SORCS3: variants seen among roughly 807,000 people sequenced by gnomAD.
SORCS3 encodes VPS10 domain-containing receptor SorCS3.
A neutral mutation model predicts 146.3 loss-of-function variants in SORCS3; 57 were observed. That is an observed-to-expected ratio of 0.39 (90% CI 0.31 to 0.49). SORCS3 has a LOEUF of 0.49. Ranked by LOEUF, SORCS3 falls within the 20% of genes least tolerant of loss-of-function variation. The probability of loss-of-function intolerance (pLI) is 0.92; values close to 1 mark genes in which losing one functional copy is unlikely to be tolerated. For missense variants in SORCS3, 1,341 were observed against 1,575.5 expected (o/e 0.85, Z 2.52); for synonymous variants, 653 against 618.5 (o/e 1.06, Z -0.83).
intron 2 of SORCS3, among the ~76,000 whole-genome samples, chr10:104,862,142 A>G (rs1401058860): frequency 6.6e-6 from 1 of 152,216 alleles, no homozygotes; most frequent in African/African-American, 2.4e-5. Flanking sequence ...GACACAATTC[A>G]AGTCATAACA....
chr10:104,742,786 G>C (rs1388351517), intron 1 of SORCS3, among the ~76,000 whole-genome samples: 1 of 152,152 alleles, frequency 6.6e-6, no homozygotes, highest in Admixed American at 6.5e-5. Context: ...GGCAGTCAGT[G>C]GTCCTAAATC....
chr10:104,871,114 CAT>C (rs1219499823), intron 2 of SORCS3, among the ~76,000 whole-genome samples: 2 of 152,204 alleles, frequency 1.3e-5, no homozygotes, highest in South Asian at 4.1e-4. Flanking sequence ...GGGATGAAGT[CAT>C]ATGAGAGATG....
chr10:105,127,120 G>A (rs1312063351), intron 7 of SORCS3, among the ~76,000 whole-genome samples: 1 of 152,028 alleles, frequency 6.6e-6, no homozygotes, highest in Non-Finnish European at 1.5e-5. Context: ...TAACGTTCAA[G>A]GAATGATCTA....
intron 4 of SORCS3, among the ~76,000 whole-genome samples, chr10:104,994,850 T>C (rs959140487): frequency 6.6e-6 from 1 of 152,234 alleles, no homozygotes; most frequent in African/African-American, 2.4e-5. Flanking sequence ...ATCCACATGT[T>C]AACGGGCATT....
At chr10:104,942,757 T>C (rs929821064) in intron 3 of SORCS3, among the ~76,000 whole-genome samples, 14 of 152,200 alleles carry the variant, frequency 9.2e-5, no homozygotes, top group Admixed American at 6.5e-4. Context: ...ATAATAACTC[T>C]TATCCAACTA....
intron 16 of SORCS3, among the ~76,000 whole-genome samples, chr10:105,207,906 C>T (rs896909698): frequency 2.0e-5 from 3 of 152,048 alleles, no homozygotes; most frequent in Non-Finnish European, 4.4e-5. Context: ...AGAGAGAGCA[C>T]CCTTCCTTCA....
intron 3 of SORCS3, among the ~76,000 whole-genome samples, chr10:104,941,694 A>C (rs1426430630): frequency 6.6e-6 from 1 of 152,220 alleles, no homozygotes; most frequent in Non-Finnish European, 1.5e-5. Context: ...AAGAACACCA[A>C]AACTTGGACA....
intron 2 of SORCS3, among the ~76,000 whole-genome samples, chr10:104,915,199 C>T (rs1467383109): frequency 1.3e-5 from 2 of 152,120 alleles, no homozygotes; most frequent in African/African-American, 2.4e-5. Context: ...GAGTGATGAA[C>T]CCCTCCTCTG....
intron 8 of SORCS3, among the ~76,000 whole-genome samples, chr10:105,143,953 GC>G (rs2056112936): frequency 6.6e-6 from 1 of 152,062 alleles, no homozygotes; most frequent in South Asian, 2.1e-4. Flanking sequence ...CCTGCCTCTA[GC>G]ATTGCCCCTC....
chr10:104,877,128 A>G (rs928194947), intron 2 of SORCS3, among the ~76,000 whole-genome samples: 18 of 152,150 alleles, frequency 1.2e-4, no homozygotes, highest in Admixed American at 4.6e-4. Flanking sequence ...TGAGATTACA[A>G]CTGTGAGTCA....
intron 2 of SORCS3, among the ~76,000 whole-genome samples, chr10:104,894,882 A>G (rs1022045147): frequency 4.6e-5 from 7 of 152,196 alleles, no homozygotes; most frequent in African/African-American, 1.7e-4. Context: ...TGAAATGGCA[A>G]CGGTTCATTG....
chr10:105,071,711 A>G (rs918022955), intron 5 of SORCS3, among the ~76,000 whole-genome samples: 6 of 152,162 alleles, frequency 3.9e-5, no homozygotes, highest in African/African-American at 1.4e-4. Context: ...AAACTTTACA[A>G]TTAGTTATTA....
intron 14 of SORCS3, among the ~76,000 whole-genome samples, chr10:105,198,030 T>C (rs1238098978): frequency 6.6e-6 from 1 of 152,158 alleles, no homozygotes; most frequent in Non-Finnish European, 1.5e-5. Context: ...AGCCACATAA[T>C]TTTACCAAGC....
chr10:105,002,873 C>T (rs560708650), intron 4 of SORCS3, among the ~76,000 whole-genome samples: 78 of 152,280 alleles, frequency 5.1e-4, no homozygotes, highest in African/African-American at 1.0e-3. Context: ...ACAATTGGAA[C>T]AGCAAAATAA....
At chr10:105,192,882 C>T (rs754333455) in intron 14 of SORCS3, among the ~76,000 whole-genome samples, 17 of 152,036 alleles carry the variant, frequency 1.1e-4, no homozygotes, top group Non-Finnish European at 2.1e-4. Context: ...ACTAGGCAGG[C>T]GAGAGTCAAG....
chr10:105,074,928 G>C (rs1286885030), intron 5 of SORCS3, among the ~76,000 whole-genome samples: 2 of 152,140 alleles, frequency 1.3e-5, no homozygotes, highest in Admixed American at 6.5e-5. Context: ...CACAGTAATT[G>C]GCAACATCCA....
At chr10:104,827,978 C>T (rs763809376) in intron 1 of SORCS3, among the ~76,000 whole-genome samples, 9 of 152,166 alleles carry the variant, frequency 5.9e-5, no homozygotes, top group African/African-American at 1.2e-4. Flanking sequence ...AACTGAAGAG[C>T]GTTAGGGCCT....
chr10:104,693,717 G>A (rs1386775400), intron 1 of SORCS3, among the ~76,000 whole-genome samples: 1 of 152,108 alleles, frequency 6.6e-6, no homozygotes, highest in Non-Finnish European at 1.5e-5. Flanking sequence ...GGAATAACAG[G>A]TCCAGGGATC....
intron 1 of SORCS3, among the ~76,000 whole-genome samples, chr10:104,818,846 C>T (rs2017838692): frequency 6.6e-6 from 1 of 151,994 alleles, no homozygotes; most frequent in African/African-American, 2.4e-5. Flanking sequence ...GGGATGAGTG[C>T]ACTTCTCAGT....
Sources: allele counts gnomAD v4.1 joint callset (sites outside exome capture counted in the v4.1 genomes callset), GRCh38; gene constraint gnomAD v4.1.1; transcripts MANE v1.5; gene names NCBI Gene and HGNC (gene_info 2026-07-23, HGNC 2026-07-21).